Variants in DNM1 observed in about 807,000 individuals in gnomAD.
DNM1 encodes the protein dynamin-1.
In DNM1, 29 loss-of-function variants were observed where a neutral mutation model predicts 104.6. The ratio of observed to expected loss-of-function variants is 0.28; its 90% confidence interval spans 0.21 to 0.38. DNM1 has a LOEUF of 0.38. DNM1 is among the 10% of genes least tolerant of loss of function. The pLI is 1.00. For synonymous variants in DNM1, 445 were observed against 475.8 expected (o/e 0.94, Z 0.84); for missense variants, 640 against 1,189.4 (o/e 0.54, Z 6.79).
In DNM1 at chr9:128,232,240, G is replaced by T. The variant is rs551099269; in HGVS notation, c.1336-1781G>T. On this transcript the variant is annotated intron_variant, in intron 10 of 21. Transcript: ENST00000372923. Reference sequence around the variant, plus strand: ...AGCACTTGGGACCACCTCAGAGGAGGCCTGGTGGCTGTGACCCAGTCCCAA... The same window carrying T: ...AGCACTTGGGACCACCTCAGAGGAGTCCTGGTGGCTGTGACCCAGTCCCAA... 421 of 344,332 alleles carry T rather than the reference G, an allele frequency of 1.2e-3. 6 individuals are homozygous for T. The highest frequency in any genetic ancestry group is 8.9e-3 in the South Asian group (416 of 46,562). The allele number at this position is 344,332 out of a possible 1,614,324, so 21.3% of individuals were successfully genotyped here.
intron 10 of DNM1, among the ~76,000 whole-genome samples, chr9:128,226,767 C>A (rs1835367391): frequency 6.6e-6 from 1 of 152,154 alleles, no homozygotes; most frequent in South Asian, 2.1e-4. Context: ...TTTTTAGATG[C>A]CTTTTTCCTA....
chr9:128,214,638 G>A (rs905955315), intron 1 of DNM1, among the ~76,000 whole-genome samples: 1 of 152,192 alleles, frequency 6.6e-6, no homozygotes, highest in African/African-American at 2.4e-5. Context: ...GTTCAGACAG[G>A]GAGTGTGGCA....
At position 128,220,371 on chromosome 9, in the gene DNM1, G is replaced by T; in HGVS notation, c.849+30G>T. 2 of 1,609,230 alleles carry T rather than the reference G, an allele frequency of 1.2e-6. No individual in the cohort carries two copies. Among genetic ancestry groups the T allele is most frequent in the Non-Finnish European group, 1.7e-6 (2 of 1,178,540 alleles). On this transcript the variant is annotated intron_variant, in intron 6 of 21. Coordinates refer to ENST00000372923, the MANE Select transcript of DNM1 (RefSeq NM_004408.4). This position sits in a 1 kb window ranked among gnomAD's most constrained non-coding sequence, Gnocchi z 5.2. ...GCGACCAAGCCAGGATGGGGCCTGG[G>T]GAAACAAGCATGAAAACAGGATAAA... is the stretch of plus-strand genomic sequence containing the variant.
At chr9:128,208,987 C>T (rs1243297661) in intron 1 of DNM1, among the ~76,000 whole-genome samples, 1 of 152,046 alleles carries the variant, frequency 6.6e-6, no homozygotes, top group Non-Finnish European at 1.5e-5. Flanking sequence ...GGATGAAGGG[C>T]AGTGTGGCTG....
intron 11 of DNM1, chr9:128,234,997 T>G (rs1390116969): frequency 1.3e-5 from 2 of 151,508 alleles, no homozygotes; most frequent in Non-Finnish European, 2.9e-5. Context: ...TTCACCATGT[T>G]GAACAGGCTG....
Position 128,218,134 on chromosome 9 carries a change from A to G in DNM1, c.162-97A>G. ...AGGAGCGGTGGAGCCAGCACTTTGG[A>G]AGGAGCTTTGGCTTTCCCAGGGGCC... On this transcript the variant is annotated intron_variant, in intron 1 of 21. Coordinates refer to ENST00000372923, the MANE Select transcript of DNM1 (RefSeq NM_004408.4). This position sits in a 1 kb window ranked among gnomAD's most constrained non-coding sequence, Gnocchi z 4.8. The G allele has an allele frequency of 8.5e-7, 1 of 1,178,006 alleles. No individual in the cohort carries two copies. The highest frequency in any genetic ancestry group is 1.3e-6 in the Non-Finnish European group (1 of 783,216). The allele number at this position is 1,178,006 out of a possible 1,614,324, so 73.0% of individuals were successfully genotyped here. A position where few individuals can be genotyped will look rare whatever the true frequency, so the allele number is the denominator to read the frequency against.
intron 10 of DNM1, among the ~76,000 whole-genome samples, chr9:128,231,634 A>C (rs1490307276): frequency 6.6e-6 from 1 of 152,202 alleles, no homozygotes; most frequent in East Asian, 1.9e-4. Flanking sequence ...CACTCCTGCC[A>C]GAAGTTTAAT....
chr9:128,238,208 C>CTGTTTGTTTGTT (rs59218725), intron 11 of DNM1, among the ~76,000 whole-genome samples: 5 of 151,348 alleles, frequency 3.3e-5, no homozygotes, highest in African/African-American at 1.2e-4. Context: ...TAAAAAGCCT[C>CTGTTTGTTTGTT]TGTTTGTTTG....
chr9:128,253,163 G>A lies in DNM1; in HGVS notation c.2535-1491G>A, dbSNP rs149181167. ...GTAGGTACATGCCTCACCGCCTGCT[G>A]CATGAACGGTGTGTCTGCCCCGCTG... On this transcript the variant is annotated intron_variant, in intron 21 of 21. Transcript: ENST00000372923. This position sits in a 1 kb window ranked among gnomAD's most constrained non-coding sequence, Gnocchi z 5.9. The A allele has an allele frequency of 7.8e-5, 124 of 1,599,750 alleles. 1 individual carries two copies. In the East Asian group the frequency reaches 2.6e-3, roughly 33 times the overall value.
intron 10 of DNM1, among the ~76,000 whole-genome samples, chr9:128,227,665 A>C (rs1301565233): frequency 6.6e-6 from 1 of 152,112 alleles, no homozygotes; most frequent in Non-Finnish European, 1.5e-5. Flanking sequence ...TACAGGTGTG[A>C]GCCACCACGC....
rs891878590 is a variant in DNM1, at chr9:128,224,203, C to G, written c.1197-48C>G. The G allele has an allele frequency of 6.3e-7, 1 of 1,578,970 alleles. No homozygotes were observed. Among genetic ancestry groups the G allele is most frequent in the Non-Finnish European group, 8.6e-7 (1 of 1,159,988 alleles). On this transcript the variant is annotated intron_variant, in intron 9 of 21. Transcript: ENST00000372923. The surrounding 1 kb of genome is among the most constrained non-coding windows in gnomAD (Gnocchi z 4.3). ...GGAGCCTCGGCCTGGCCCTCCTGGC[C>G]GGCACTGGCCTGTGACACTCTGCCC...
chr9:128,250,694 C>T (rs1398944583), intron 20 of DNM1, 31 bp from the exon 21 acceptor site: 3 of 1,452,110 alleles, frequency 2.1e-6, no homozygotes, highest in South Asian at 1.3e-5. Flanking sequence ...CATCTCGCCT[C>T]TCCTTGTTCC....
In DNM1 at chr9:128,222,695, G is replaced by A; in HGVS notation, c.1129-98G>A. 1 of 1,598,804 alleles carries A rather than the reference G, an allele frequency of 6.3e-7. No individual in the cohort carries two copies. The highest frequency in any genetic ancestry group is 1.1e-5 in the South Asian group (1 of 89,958). On this transcript the variant is annotated intron_variant, in intron 8 of 21. Transcript: ENST00000372923. The surrounding 1 kb of genome is among the most constrained non-coding windows in gnomAD (Gnocchi z 7.8). ...GTTTTTGCTGGCCCCCACCCCACAGGCCCTGATGCCCAGCCCTAGGTGTGG... is the reference window on the plus strand; with the variant it reads ...GTTTTTGCTGGCCCCCACCCCACAGACCCTGATGCCCAGCCCTAGGTGTGG...
At chr9:128,231,959 T>C (rs753354561) in intron 10 of DNM1, 4 of 456,094 alleles carry the variant, frequency 8.8e-6, no homozygotes, top group South Asian at 6.2e-5. Flanking sequence ...AGCCAAGGGC[T>C]GAGAGGGGAA....
At chr9:128,249,408 G>A (rs1752690573) in intron 19 of DNM1, among the ~76,000 whole-genome samples, 1 of 152,008 alleles carries the variant, frequency 6.6e-6, no homozygotes, top group Non-Finnish European at 1.5e-5. Context: ...TGTAATCCCA[G>A]CACTTTGGGA....
intron 16 of DNM1, among the ~76,000 whole-genome samples, chr9:128,246,745 A>C (rs1176493591): frequency 5.9e-4 from 49 of 82,696 alleles, no homozygotes; most frequent in East Asian, 9.1e-4. Flanking sequence ...CCTTCCTTCC[A>C]TCCTCCCTCC....
chr9:128,230,741 C>T (rs1051544449), intron 10 of DNM1, among the ~76,000 whole-genome samples: 9 of 151,986 alleles, frequency 5.9e-5, no homozygotes, highest in African/African-American at 1.7e-4. Flanking sequence ...CATGAGCCAC[C>T]GTGCCCAGCC....
At chr9:128,229,786 AC>A (rs1200534948) in intron 10 of DNM1, among the ~76,000 whole-genome samples, 1 of 151,772 alleles carries the variant, frequency 6.6e-6, no homozygotes, top group African/African-American at 2.4e-5. Flanking sequence ...GGTGGTGGGC[AC>A]CTGTAATCTC....
In DNM1 at chr9:128,254,637, T is replaced by C. The variant is rs1450638728; in HGVS notation, c.2535-17T>C. ...TTTTCTCTCCCGTTTTCTCTCTGCT[T>C]TCTCTCCAACTGCCAGCCGATCGGG... On this transcript the variant is annotated splice_polypyrimidine_tract_variant and intron_variant, in intron 21 of 21. Coordinates refer to ENST00000372923, the MANE Select transcript of DNM1 (RefSeq NM_004408.4). The surrounding 1 kb of genome is among the most constrained non-coding windows in gnomAD (Gnocchi z 6.1). 4 of 1,596,130 alleles carry C rather than the reference T, an allele frequency of 2.5e-6. No homozygotes were observed. The highest frequency in any genetic ancestry group is 2.2e-5 in the South Asian group (2 of 90,984).
Sources: allele counts gnomAD v4.1 joint callset (sites outside exome capture counted in the v4.1 genomes callset), GRCh38; gene constraint gnomAD v4.1.1; non-coding constraint Gnocchi (gnomAD v3.1); transcripts MANE v1.5; gene names NCBI Gene and HGNC (gene_info 2026-07-23, HGNC 2026-07-21).